SAMD12: variants seen among roughly 807,000 people sequenced by gnomAD.
The protein encoded by SAMD12 is sterile alpha motif domain-containing protein 12.
A neutral mutation model predicts 15.0 loss-of-function variants in SAMD12; 9 were observed. The observed-to-expected ratio is 0.60, with a 90% CI of 0.36 to 1.05. The LOEUF is 1.05. Among genes scored for constraint, SAMD12 ranks in the 50% least tolerant of loss-of-function variants. The pLI is 0.01. For synonymous variants in SAMD12, 86 were observed against 90.1 expected, an observed-to-expected ratio of 0.96 and a Z score of 0.25; for missense variants, 230 against 234.2, an observed-to-expected ratio of 0.98 and a Z score of 0.12.
At chr8:118,450,170 G>A (rs1427145273) in intron 2 of SAMD12, among the ~76,000 whole-genome samples, 3 of 152,186 alleles carry the variant, frequency 2.0e-5, no homozygotes, top group Non-Finnish European at 2.9e-5. Context: ...TGTATGCAAC[G>A]CTGGTGAGAT....
chr8:118,180,450 G>A, the SAMD12 span, among the ~76,000 whole-genome samples: 9 of 152,078 alleles, frequency 5.9e-5, no homozygotes, highest in Admixed American at 3.3e-4. Context: ...CTGACCCTGG[G>A]TCATTTCCTA....
intron 2 of SAMD12, among the ~76,000 whole-genome samples, chr8:118,532,758 T>C (rs1011953660): frequency 2.0e-5 from 3 of 152,224 alleles, no homozygotes; most frequent in African/African-American, 7.2e-5. Flanking sequence ...GATGGTAGTT[T>C]GTATTTCTGT....
intron 4 of SAMD12, among the ~76,000 whole-genome samples, chr8:118,253,036 T>C (rs1011063260): frequency 3.9e-5 from 6 of 152,146 alleles, no homozygotes; most frequent in Non-Finnish European, 8.8e-5. Flanking sequence ...ACAGACAGCA[T>C]TGGCTGGGGA....
In SAMD12 at chr8:118,621,874, C is replaced by A; in HGVS notation, c.-58G>T. Reference sequence around the variant, plus strand: ...TTCTTGGCCGAGGTACTCCTCCTGCCCCGCGCTCCCCCCTTCCTCTCGCTT... The same window carrying A: ...TTCTTGGCCGAGGTACTCCTCCTGCACCGCGCTCCCCCCTTCCTCTCGCTT... On this transcript the variant is annotated 5_prime_UTR_variant, in exon 1 of 4. Transcript: ENST00000314727. The A allele has an allele frequency of 3.8e-6, 6 of 1,571,330 alleles. No individual in the cohort carries two copies. The highest frequency in any genetic ancestry group is 5.3e-6 in the Non-Finnish European group (6 of 1,141,046).
chr8:118,448,180 TC>T, intron 2 of SAMD12, among the ~76,000 whole-genome samples: 1 of 152,160 alleles, frequency 6.6e-6, no homozygotes, highest in East Asian at 1.9e-4. Context: ...TACCCTCACT[TC>T]TTTCAAAGCC....
chr8:118,595,358 C>A (rs9643131), intron 1 of SAMD12, among the ~76,000 whole-genome samples: 18,197 of 151,926 alleles, frequency 0.12, 2,001 homozygotes, highest in East Asian at 0.37. Flanking sequence ...TATTAAAAAA[C>A]AAACAAAAAA....
At chr8:118,167,225 A>G in the SAMD12 span, among the ~76,000 whole-genome samples, 19,599 of 151,170 alleles carry the variant, frequency 0.13, 2,079 homozygotes, top group African/African-American at 0.29. Flanking sequence ...GCTCAGAGAC[A>G]TGGTCTGATG....
chr8:118,212,044 G>C (rs1336953230), intron 4 of SAMD12, among the ~76,000 whole-genome samples: 1 of 146,436 alleles, frequency 6.8e-6, no homozygotes, highest in African/African-American at 2.5e-5. Context: ...GAGAAGATTT[G>C]TGTGTGTGTT....
At chr8:118,459,746 G>A (rs894814630) in intron 2 of SAMD12, among the ~76,000 whole-genome samples, 1 of 152,112 alleles carries the variant, frequency 6.6e-6, no homozygotes, top group Non-Finnish European at 1.5e-5. Context: ...AAATGGTTAG[G>A]TACCGTTCTC....
chr8:118,503,035 G>A (rs1824829140), intron 2 of SAMD12, among the ~76,000 whole-genome samples: 1 of 152,300 alleles, frequency 6.6e-6, no homozygotes, highest in East Asian at 1.9e-4. Context: ...GTGTGTGTGA[G>A]GCAGAGATAT....
the SAMD12 span, among the ~76,000 whole-genome samples, chr8:118,178,555 C>A: frequency 6.6e-6 from 1 of 152,076 alleles, no homozygotes; most frequent in East Asian, 1.9e-4. Context: ...AACCTCCACC[C>A]CCTGGGTTCA....
rs192967003 is a variant in SAMD12 at position 118,440,036 on chromosome 8, T to G, written c.193-75A>C. On this transcript the variant is annotated intron_variant, in intron 2 of 3. Transcript: ENST00000314727. ...GACACTATAGTTAAAAGTCTTAGAG[T>G]GTGTTAAAGGCTACAGACTGGATTC... 8.0e-4 allele frequency: 1,184 copies of G among 1,471,998 alleles called. 2 individuals are homozygous for G. Among genetic ancestry groups the G allele is most frequent in the Non-Finnish European group, 9.8e-4 (1,041 of 1,065,058 alleles). The allele number at this position is 1,471,998 out of a possible 1,614,324, so 91.2% of individuals were successfully genotyped here.
chr8:118,148,624 A>G, the SAMD12 span, among the ~76,000 whole-genome samples: 1 of 152,174 alleles, frequency 6.6e-6, no homozygotes, highest in Non-Finnish European at 1.5e-5. Flanking sequence ...ACCACAATCC[A>G]GTTCTAGAAT....
intron 1 of SAMD12, among the ~76,000 whole-genome samples, chr8:118,591,512 G>A (rs1042242556): frequency 2.0e-5 from 3 of 152,040 alleles, no homozygotes; most frequent in African/African-American, 7.2e-5. Flanking sequence ...TTTACCCATT[G>A]CCCTCCTACA....
At chr8:118,566,173 T>G (rs1366680274) in intron 2 of SAMD12, among the ~76,000 whole-genome samples, 1 of 152,180 alleles carries the variant, frequency 6.6e-6, no homozygotes, top group Admixed American at 6.5e-5. Flanking sequence ...TCTGGAAACC[T>G]GCCACGATGA....
chr8:118,218,432 C>T (rs375431093), intron 4 of SAMD12, among the ~76,000 whole-genome samples: 1 of 152,046 alleles, frequency 6.6e-6, no homozygotes, highest in Non-Finnish European at 1.5e-5. Flanking sequence ...GATATGCAAC[C>T]ATCTATTATT....
intron 4 of SAMD12, among the ~76,000 whole-genome samples, chr8:118,335,965 T>A (rs753339217): frequency 2.9e-4 from 44 of 152,118 alleles, no homozygotes; most frequent in Non-Finnish European, 5.7e-4. Flanking sequence ...GCTCAAGCAA[T>A]CCATTGCTTT....
chr8:118,325,283 T>C (rs1816513884), intron 4 of SAMD12, among the ~76,000 whole-genome samples: 1 of 152,158 alleles, frequency 6.6e-6, no homozygotes, highest in Non-Finnish European at 1.5e-5. Flanking sequence ...TCTTGGGACA[T>C]GCTTGCAAAG....
chr8:118,177,524 G>A, the SAMD12 span, among the ~76,000 whole-genome samples: 2 of 152,074 alleles, frequency 1.3e-5, no homozygotes, highest in Admixed American at 6.6e-5. Flanking sequence ...GATTATAGGC[G>A]TGAGCCCCTG....
Sources: gnomAD v4.1 joint callset for allele counts (sites outside exome capture counted in the v4.1 genomes callset) on GRCh38, gnomAD v4.1.1 for gene constraint, MANE v1.5 for transcripts, NCBI Gene and HGNC (gene_info 2026-07-23, HGNC 2026-07-21) for gene names.